ERMP1: variants seen among roughly 807,000 people sequenced by gnomAD.
The protein encoded by ERMP1 is Felix-ina.
Under a neutral mutation model 92.0 loss-of-function variants are expected in ERMP1, and 86 were observed. The ratio of observed to expected loss-of-function variants is 0.93; its 90% CI spans 0.79 to 1.12. The LOEUF (loss-of-function observed/expected upper bound fraction) is 1.12. Ranked by LOEUF, ERMP1 falls within the 50% of genes most tolerant of loss-of-function variation. The pLI is 0.00. For synonymous variants in ERMP1, 530 were observed against 412.8 expected, an observed-to-expected ratio of 1.28 and a Z score of -3.44; for missense variants, 1,342 against 1,116.3, an observed-to-expected ratio of 1.20 and a Z score of -2.88.
At position 5,811,451 on chromosome 9, in the gene ERMP1, T is replaced by C. The variant is rs184092878; in HGVS notation, c.1115-128A>G. 1.1e-4 allele frequency: 74 copies of C among 699,964 alleles called. No individual in the cohort carries two copies. In the African/African-American group the frequency reaches 1.3e-3, roughly 12 times the overall value. The allele number at this position is 699,964 out of a possible 1,614,324, so 43.4% of individuals were successfully genotyped here. A position where few individuals can be genotyped will look rare whatever the true frequency, so the allele number is the denominator to read the frequency against. Reference sequence around the variant, plus strand: ...ACCATATACTGTTTGAATGAAGAAATGGTTAGAAAGAATGTGAACAGAAAT... The same window carrying C: ...ACCATATACTGTTTGAATGAAGAAACGGTTAGAAAGAATGTGAACAGAAAT... On this transcript the variant is annotated intron_variant, in intron 6 of 14. Transcript: ENST00000339450.
At chr9:5,863,631 T>A (rs1830566442) in intron 5 of ERMP1, among the ~76,000 whole-genome samples, 1 of 152,170 alleles carries the variant, frequency 6.6e-6, no homozygotes. Flanking sequence ...ATATACTATG[T>A]AAGGATCAGA....
intron 6 of ERMP1, among the ~76,000 whole-genome samples, chr9:5,844,640 G>A (rs1830213042): frequency 6.6e-6 from 1 of 152,206 alleles, no homozygotes; most frequent in Non-Finnish European, 1.5e-5. Context: ...CACCTTTGCG[G>A]AGAACTGTCA....
chr9:5,797,723 G>T, intron 13 of ERMP1, 94 bp downstream of exon 13: 1 of 756,074 alleles, frequency 1.3e-6, no homozygotes, highest in African/African-American at 1.8e-5. Context: ...TAAGTTGCTG[G>T]TTCCTGTGAT....
chr9:5,823,559 T>C (rs539932480), intron 4 of ERMP1, among the ~76,000 whole-genome samples: 38 of 152,344 alleles, frequency 2.5e-4, no homozygotes, highest in Middle Eastern at 6.8e-3. Context: ...TAAACAACTG[T>C]GAAACCTTAG....
intron 9 of ERMP1, 87 bp downstream of exon 9, chr9:5,805,524 C>A: frequency 8.2e-7 from 1 of 1,221,358 alleles, no homozygotes; most frequent in South Asian, 1.8e-5. Context: ...AAAGCCTACC[C>A]AATAAAACCA....
At position 5,832,858 on chromosome 9, in the gene ERMP1, C is replaced by A. The variant is rs1423611246; in HGVS notation, c.170G>T (p.Ser57Ile). 2.0e-6 allele frequency: 3 copies of A among 1,513,694 alleles called. No individual in the cohort carries two copies. The highest frequency in any genetic ancestry group is 2.6e-6 in the Non-Finnish European group (3 of 1,139,720). 93.8% of individuals were successfully genotyped at this position (1,513,694 alleles called of 1,614,324 possible). ...CCCCGCGCCCCTGCTCGCGCCGCCG[C>A]TACCCCCGGGGCTCCTCTTCCGCGT... is the stretch of plus-strand genomic sequence containing the variant. Reference protein sequence around the residue: ...GRTRKRSPGGSGGASRGAGTG... With the variant: ...GRTRKRSPGGIGGASRGAGTG... The change falls in exon 1 of 15, where the codon AGC becomes ATC. Residue 57 changes from serine (S) to isoleucine (I), a missense_variant. By Grantham distance (142) the Ser-to-Ile change is moderately radical. Transcript: ENST00000339450.
In ERMP1 at chr9:5,833,083, C is replaced by A. The variant is rs971335644; in HGVS notation, c.-56G>T. The A allele has an allele frequency of 1.3e-5, 17 of 1,354,064 alleles. No individual in the cohort carries two copies. The highest frequency in any genetic ancestry group is 1.2e-4 in the East Asian group (4 of 33,390). 83.9% of individuals were successfully genotyped at this position (1,354,064 alleles called of 1,614,324 possible). ...CCCCAACCCGCGACAGCCCCGGCCG[C>A]CGCCGACGCCGCCGTCGCTGCCGCA... On this transcript the variant is annotated 5_prime_UTR_variant, in exon 1 of 15. Transcript: ENST00000339450.
At chr9:5,822,230 C>T (rs1210972090) in intron 4 of ERMP1, among the ~76,000 whole-genome samples, 1 of 152,096 alleles carries the variant, frequency 6.6e-6, no homozygotes, top group Non-Finnish European at 1.5e-5. Context: ...CCAGCCTGGG[C>T]AACGGAGTGA....
intron 5 of ERMP1, among the ~76,000 whole-genome samples, chr9:5,865,638 G>C (rs1830634396): frequency 6.6e-6 from 1 of 151,444 alleles, no homozygotes; most frequent in Non-Finnish European, 1.5e-5. Flanking sequence ...TTTGAGACCA[G>C]CCTGGCCAAC....
At chr9:5,834,701 A>ATGTGTGTGTG (rs1461362378), upstream of ERMP1, among the ~76,000 whole-genome samples, 1,367 of 62,644 alleles carry the variant, frequency 0.022, 25 homozygotes, top group African/African-American at 0.052. Context: ...ATGTATGTAT[A>ATGTGTGTGTG]TATGTGTGTG....
At chr9:5,839,699 C>T (rs927965785) in intron 6 of ERMP1, among the ~76,000 whole-genome samples, 2 of 152,130 alleles carry the variant, frequency 1.3e-5, no homozygotes, top group African/African-American at 2.4e-5. Flanking sequence ...TGTCCTGGAA[C>T]GGTTTCACTT....
chr9:5,801,034 A>C (rs1828649883), intron 11 of ERMP1, 142 bp downstream of exon 11: 3 of 670,982 alleles, frequency 4.5e-6, no homozygotes, highest in South Asian at 5.5e-5. Flanking sequence ...TCTTCTCCTC[A>C]CTGCCTTACA....
upstream of ERMP1, among the ~76,000 whole-genome samples, chr9:5,836,763 C>G (rs931232083): frequency 1.3e-5 from 2 of 152,186 alleles, no homozygotes; most frequent in Non-Finnish European, 2.9e-5. Flanking sequence ...GTCAGCTCCA[C>G]GGATCACCTC....
At chr9:5,834,319 C>G (rs1169581563), upstream of ERMP1, among the ~76,000 whole-genome samples, 1 of 152,140 alleles carries the variant, frequency 6.6e-6, no homozygotes, top group Non-Finnish European at 1.5e-5. Context: ...CAAGAATCTC[C>G]TAATTTAATT....
chr9:5,788,422 A>C (rs900645440), intron 13 of ERMP1, among the ~76,000 whole-genome samples: 1 of 152,230 alleles, frequency 6.6e-6, no homozygotes, highest in Admixed American at 6.5e-5. Context: ...AAAATAAAAA[A>C]GAAGGAAGAG....
At chr9:5,841,658 G>A (rs1830164823) in intron 6 of ERMP1, among the ~76,000 whole-genome samples, 3 of 152,156 alleles carry the variant, frequency 2.0e-5, no homozygotes, top group Non-Finnish European at 1.5e-5. Context: ...GGGCATGGTG[G>A]CACGTGCCTG....
In ERMP1 at chr9:5,812,886, T is replaced by C; in HGVS notation, c.1021+3A>G. ...CAGTAGGCCGTAACCATTGACAATA[T>C]ACCTGGAATGTTCCCAAAATCCCTG... On this transcript the variant is annotated splice_donor_region_variant and intron_variant, in intron 5 of 14. Transcript: ENST00000339450. The C allele has an allele frequency of 6.2e-7, 1 of 1,613,968 alleles. No individual in the cohort carries two copies. The highest frequency in any genetic ancestry group is 8.5e-7 in the Non-Finnish European group (1 of 1,179,852).
At position 5,812,224 on chromosome 9, in the gene ERMP1, C is replaced by CAT. The variant is rs547528959; in HGVS notation, c.1022-9_1022-8dup. ...ATAAAAGCTAAGTCTATTCCTAAAA[C>CAT]ATATATATAGAAAAAAAAAAGTCAT... is the stretch of plus-strand genomic sequence containing the variant. On this transcript the variant is annotated splice_region_variant and splice_polypyrimidine_tract_variant and intron_variant, in intron 5 of 14. Coordinates refer to ENST00000339450, the MANE Select transcript of ERMP1 (RefSeq NM_024896.3). 158 of 1,495,374 alleles carry CAT rather than the reference C, an allele frequency of 1.1e-4. No homozygotes were observed. In the African/African-American group the frequency reaches 2.0e-3, roughly 19 times the overall value. 92.6% of individuals were successfully genotyped at this position (1,495,374 alleles called of 1,614,324 possible).
At chr9:5,834,255 C>T (rs575799112), upstream of ERMP1, among the ~76,000 whole-genome samples, 1 of 152,174 alleles carries the variant, frequency 6.6e-6, no homozygotes, top group Admixed American at 6.5e-5. Context: ...TCCTCATTGT[C>T]TTTTTAACTC....
Sources: allele counts gnomAD v4.1 joint callset (sites outside exome capture counted in the v4.1 genomes callset), GRCh38; gene constraint gnomAD v4.1.1; transcripts MANE v1.5; gene names NCBI Gene and HGNC (gene_info 2026-07-23, HGNC 2026-07-21).